The following CLEC16A variants were observed in gnomAD, a reference collection of about 807,000 sequenced individuals.
The protein encoded by CLEC16A is C-type lectin domain containing 16A.
A neutral mutation model predicts 109.5 loss-of-function variants in CLEC16A; 51 were observed. The observed-to-expected ratio is 0.47, with a 90% CI of 0.37 to 0.59. The LOEUF (loss-of-function observed/expected upper bound fraction) is 0.59, where lower values mean the gene tolerates loss of function less well. Among genes scored for constraint, CLEC16A ranks in the 20% least tolerant of loss-of-function variants. The probability of loss-of-function intolerance (pLI) is 0.00; values close to 1 mark genes in which losing one functional copy is unlikely to be tolerated. For synonymous variants in CLEC16A, 673 were observed against 564.2 expected (o/e 1.19, Z -2.73); for missense variants, 1,339 against 1,394.0 (o/e 0.96, Z 0.63).
chr16:11,150,835 C>G (rs544401812), intron 22 of CLEC16A, among the ~76,000 whole-genome samples: 1 of 152,282 alleles, frequency 6.6e-6, no homozygotes, highest in Non-Finnish European at 1.5e-5. Flanking sequence ...CCAGGCCTCC[C>G]TCCTTGGCTT....
chr16:11,041,639 C>A (rs1298037942), intron 14 of CLEC16A: 1 of 152,400 alleles, frequency 6.6e-6, no homozygotes, highest in Admixed American at 6.5e-5. Flanking sequence ...ATTAAAAATG[C>A]TGGCAAGGGT....
At chr16:11,126,465 G>A (rs2052828287) in intron 22 of CLEC16A, 2 of 1,222,036 alleles carry the variant, frequency 1.6e-6, no homozygotes, top group Middle Eastern at 2.9e-4. Flanking sequence ...AGTTGTGGGA[G>A]AGTAATTTCC....
At chr16:11,155,942 C>T (rs1235834897) in intron 22 of CLEC16A, among the ~76,000 whole-genome samples, 2 of 152,182 alleles carry the variant, frequency 1.3e-5, no homozygotes, top group Non-Finnish European at 2.9e-5. Flanking sequence ...TTGTACAGTG[C>T]CACCTCCTAG....
intron 23 of CLEC16A, among the ~76,000 whole-genome samples, chr16:11,169,357 G>A (rs1166894940): frequency 6.6e-6 from 1 of 152,126 alleles, no homozygotes; most frequent in Admixed American, 6.5e-5. Context: ...CGCAGTCTCG[G>A]CTCACTGCAA....
intron 10 of CLEC16A, among the ~76,000 whole-genome samples, chr16:10,984,753 G>A (rs2043525375): frequency 6.6e-6 from 1 of 152,196 alleles, no homozygotes; most frequent in Non-Finnish European, 1.5e-5. Context: ...ATGAATGTAA[G>A]TCACGGAAGG....
intron 10 of CLEC16A, among the ~76,000 whole-genome samples, chr16:10,987,223 C>T (rs557383059): frequency 2.0e-4 from 31 of 152,050 alleles, no homozygotes; most frequent in Admixed American, 1.4e-3. Context: ...GCAGTTGTAA[C>T]AGATAATACA....
chr16:10,990,051 C>T (rs533897550), intron 10 of CLEC16A, among the ~76,000 whole-genome samples: 1 of 152,310 alleles, frequency 6.6e-6, no homozygotes, highest in East Asian at 1.9e-4. Context: ...CGCGCACATT[C>T]TTCTTCCTGA....
intron 13 of CLEC16A, among the ~76,000 whole-genome samples, chr16:11,034,900 T>G (rs1277471617): frequency 6.6e-6 from 1 of 151,800 alleles, no homozygotes; most frequent in Non-Finnish European, 1.5e-5. Flanking sequence ...TGCATGCGTG[T>G]GTGAATGAGT....
intron 9 of CLEC16A, 108 bp downstream of exon 9, chr16:10,979,490 C>G (rs902017981): frequency 8.9e-5 from 86 of 966,080 alleles, no homozygotes; most frequent in Non-Finnish European, 1.3e-4. Context: ...TCTGTCCCCC[C>G]CATGCTGGAG....
chr16:11,104,163 C>T (rs1373417573), intron 19 of CLEC16A, among the ~76,000 whole-genome samples: 2 of 152,144 alleles, frequency 1.3e-5, no homozygotes, highest in African/African-American at 4.8e-5. Flanking sequence ...GGCTGGAGTA[C>T]AGTGGTACAA....
intron 9 of CLEC16A, among the ~76,000 whole-genome samples, chr16:10,979,760 G>T (rs542401280): frequency 6.6e-6 from 1 of 152,114 alleles, no homozygotes; most frequent in African/African-American, 2.4e-5. Flanking sequence ...AACCCACAGC[G>T]TGCATACACA....
At chr16:10,977,434 G>A in intron 8 of CLEC16A, 35 bp downstream of exon 8, 3 of 1,589,794 alleles carry the variant, frequency 1.9e-6, no homozygotes, top group Non-Finnish European at 1.7e-6. Flanking sequence ...CTGGCTGAAG[G>A]CCATCAGAAG....
chr16:11,098,182 G>C (rs141859976), intron 19 of CLEC16A, among the ~76,000 whole-genome samples: 73 of 152,338 alleles, frequency 4.8e-4, no homozygotes, highest in African/African-American at 1.3e-3. Context: ...TCTGCAGCAC[G>C]CACTAGCATG....
At chr16:11,079,063 C>T (rs1304703675) in intron 19 of CLEC16A, among the ~76,000 whole-genome samples, 1 of 152,206 alleles carries the variant, frequency 6.6e-6, no homozygotes, top group Non-Finnish European at 1.5e-5. Flanking sequence ...CCCAGCCCTG[C>T]AGCCCTGCAG....
At chr16:11,003,753 T>G (rs1224237913) in intron 11 of CLEC16A, among the ~76,000 whole-genome samples, 3 of 152,182 alleles carry the variant, frequency 2.0e-5, no homozygotes, top group Non-Finnish European at 4.4e-5. Flanking sequence ...TTTATCCTTA[T>G]TACTGATATA....
At chr16:11,072,819 AG>A (rs1206113010) in intron 19 of CLEC16A, among the ~76,000 whole-genome samples, 1 of 152,218 alleles carries the variant, frequency 6.6e-6, no homozygotes, top group South Asian at 2.1e-4. Context: ...TTCTCTTTGG[AG>A]GGTTCTTTGT....
intron 23 of CLEC16A, among the ~76,000 whole-genome samples, chr16:11,170,092 C>T (rs985023868): frequency 3.0e-4 from 46 of 152,174 alleles, no homozygotes; most frequent in African/African-American, 1.1e-3. Context: ...ATATCCGATG[C>T]GGTTTCCAAG....
At chr16:11,143,067 C>A (rs1351931082) in intron 22 of CLEC16A, among the ~76,000 whole-genome samples, 1 of 152,238 alleles carries the variant, frequency 6.6e-6, no homozygotes, top group African/African-American at 2.4e-5. Flanking sequence ...CGGCCTTGGC[C>A]TCCCAAAGTG....
At chr16:11,142,370 C>T (rs2053876007) in intron 22 of CLEC16A, among the ~76,000 whole-genome samples, 1 of 152,198 alleles carries the variant, frequency 6.6e-6, no homozygotes, top group Admixed American at 6.5e-5. Context: ...CTCCTGGGCA[C>T]GCCTGTCAGA....
Sources: allele counts gnomAD v4.1 joint callset (sites outside exome capture counted in the v4.1 genomes callset), GRCh38; gene constraint gnomAD v4.1.1; transcripts MANE v1.5; gene names NCBI Gene and HGNC (gene_info 2026-07-23, HGNC 2026-07-21).